The following DMBT1 variants were observed in gnomAD, a reference collection of about 807,000 sequenced individuals.
The protein encoded by DMBT1 is deleted in malignant brain tumors 1.
In DMBT1, 198 loss-of-function variants were observed where a neutral mutation model predicts 252.9. The observed-to-expected ratio is 0.78, with a 90% CI of 0.70 to 0.88. DMBT1 has a LOEUF of 0.88. DMBT1 is among the 40% of genes least tolerant of loss of function. The pLI is 0.00. For missense variants in DMBT1, 2,432 were observed against 2,404.7 expected, an observed-to-expected ratio of 1.01 and a Z score of -0.24; for synonymous variants, 990 against 942.7, an observed-to-expected ratio of 1.05 and a Z score of -0.92.
Position 122,576,637 on chromosome 10 carries a change from C to A in DMBT1, c.522C>A (p.His174Gln), listed in dbSNP as rs200275337. ...IALDDVRCSG[H>Q]ESYLWSCPHN... Reference sequence around the variant, plus strand: ...TGGATGATGTGCGCTGCTCAGGACACGAATCCTACCTGTGGAGCTGCCCCC... The same window carrying A: ...TGGATGATGTGCGCTGCTCAGGACAAGAATCCTACCTGTGGAGCTGCCCCC... Residue 174 changes from histidine (H) to glutamine (Q), a missense_variant, in exon 7 of 56, where the codon CAC becomes CAA. His to Gln is a conservative substitution (Grantham distance 24). Coordinates refer to ENST00000338354, the MANE Select transcript of DMBT1 (RefSeq NM_001377530.1). 1 of 1,613,826 alleles carries A rather than the reference C, an allele frequency of 6.2e-7. No individual in the cohort carries two copies.
chr10:122,600,032 C>G (rs746482732), intron 26 of DMBT1, 32 bp from the exon 27 acceptor site: 28 of 1,607,716 alleles, frequency 1.7e-5, no homozygotes, highest in Non-Finnish European at 2.3e-5. Flanking sequence ...GTGTAATGTT[C>G]CTGATCTGAC....
At chr10:122,570,682 G>A (rs1029519772) in intron 3 of DMBT1, among the ~76,000 whole-genome samples, 1 of 152,138 alleles carries the variant, frequency 6.6e-6, no homozygotes, top group African/African-American at 2.4e-5. Context: ...GGGAGGGTAA[G>A]TAGAGCAAAG....
intron 2 of DMBT1, among the ~76,000 whole-genome samples, chr10:122,567,256 C>G (rs1042922421): frequency 2.0e-5 from 3 of 152,162 alleles, no homozygotes; most frequent in African/African-American, 7.2e-5. Flanking sequence ...ACAGGGTGAC[C>G]AGGAGGGGGC....
At chr10:122,598,049 T>G (rs1343343483) in intron 25 of DMBT1, 37 bp downstream of exon 25, 3 of 1,613,528 alleles carry the variant, frequency 1.9e-6, no homozygotes, top group Non-Finnish European at 1.7e-6. Flanking sequence ...GGGCTCACTC[T>G]CTACCTCTGG....
At chr10:122,635,051 G>T (rs1017415085) in intron 52 of DMBT1, among the ~76,000 whole-genome samples, 1 of 152,180 alleles carries the variant, frequency 6.6e-6, no homozygotes, top group Admixed American at 6.5e-5. Context: ...TACAAAGATT[G>T]CACTTAAAGC....
chr10:122,584,829 C>G (rs1019179243), intron 14 of DMBT1, among the ~76,000 whole-genome samples: 2 of 149,180 alleles, frequency 1.3e-5, no homozygotes, highest in African/African-American at 2.4e-5. Context: ...ACATGTGCAT[C>G]CAGAAGAGGC....
At chr10:122,570,059 A>G in intron 2 of DMBT1, 103 bp from the exon 3 acceptor site, 1 of 1,068,692 alleles carries the variant, frequency 9.4e-7, no homozygotes, top group Non-Finnish European at 1.5e-6. Flanking sequence ...GGGTGCCCTT[A>G]GGCCCTGGCT....
rs1244896034 is a variant in DMBT1, at chr10:122,591,944, C to T, written c.2177-328C>T. ...ACCACGTGGGTGCCACCAAACTCTTCGACATGGGGATAGCATAGGCCTGCC... is the reference window on the plus strand; with the variant it reads ...ACCACGTGGGTGCCACCAAACTCTTTGACATGGGGATAGCATAGGCCTGCC... On this transcript the variant is annotated intron_variant, in intron 19 of 55. Coordinates refer to ENST00000338354, the MANE Select transcript of DMBT1 (RefSeq NM_001377530.1). 1.3e-5 allele frequency among the ~76,000 whole-genome samples: 2 copies of T among 149,036 alleles called. 1 individual carries two copies. Among genetic ancestry groups the T allele is most frequent in the African/African-American group, 4.9e-5 (2 of 41,182 alleles).
rs1473163396 is a variant in DMBT1 at position 122,621,384 on chromosome 10, G to A, written c.5608+4G>A. On this transcript the variant is annotated splice_donor_region_variant and intron_variant, in intron 44 of 55. Coordinates refer to ENST00000338354, the MANE Select transcript of DMBT1 (RefSeq NM_001377530.1). ...GACGCTGGTGTCATCTGCTCAGGTG[G>A]GCCTTCAAGACCTGGGGCTCCCTCT... The A allele has an allele frequency of 3.1e-6, 5 of 1,613,684 alleles. No individual in the cohort carries two copies. In the South Asian group the frequency reaches 4.4e-5, roughly 14 times the overall value.
At position 122,598,817 on chromosome 10, in the gene DMBT1, C is replaced by G. The variant is rs773269788; in HGVS notation, c.3000C>G (p.Asp1000Glu). The G allele has an allele frequency of 9.9e-6, 16 of 1,613,426 alleles. No homozygotes were observed. The highest frequency in any genetic ancestry group is 1.4e-5 in the Non-Finnish European group (16 of 1,179,758). The change falls in exon 26 of 56, where the codon GAC becomes GAG. Residue 1000 changes from aspartate (D) to glutamate (E), a missense_variant. By Grantham distance (45) the Asp-to-Glu change is conservative. Coordinates refer to ENST00000338354, the MANE Select transcript of DMBT1 (RefSeq NM_001377530.1). ...CCCTGAGGCTGGTGAATGGAGGTGA[C>G]AGGTGTCAGGGCCGAGTGGAGGTCC... is the stretch of plus-strand genomic sequence containing the variant. ...SLALRLVNGGDRCQGRVEVLY... is the reference protein window; with the variant it reads ...SLALRLVNGGERCQGRVEVLY...
Position 122,629,868 on chromosome 10 carries a change from ATT to A in DMBT1, c.5698_5699del (p.Phe1900LeufsTer20). 1 of 1,613,984 alleles carries A rather than the reference ATT, an allele frequency of 6.2e-7. No homozygotes were observed. Among genetic ancestry groups the A allele is most frequent in the Middle Eastern group, 1.6e-4 (1 of 6,062 alleles). ...CCTCTTCAAATTGTGGTGGCTTCTT[ATT>A]CTATGCCAGTGGGACATTCTCCAGC... ...RPSSNCGGFL[F>X]YASGTFSSPS... On this transcript the variant is annotated frameshift_variant, in exon 47 of 56. Transcript: ENST00000338354. LOFTEE classifies it high-confidence loss of function.
Position 122,592,148 on chromosome 10 carries a change from G to A in DMBT1, c.2177-124G>A, listed in dbSNP as rs1014150091. 1.8e-5 allele frequency: 25 copies of A among 1,422,996 alleles called. 2 individuals are homozygous for A. The Middle Eastern group carries it at 7.6e-4, about 43-fold the overall frequency. 88.1% of individuals were successfully genotyped at this position (1,422,996 alleles called of 1,614,324 possible). On this transcript the variant is annotated intron_variant, in intron 19 of 55. Transcript: ENST00000338354. ...TGAAGCTGAACCTCTGGTTGCAGTC[G>A]TATTCAATCGTGACTGCTTGTCCAG...
At chr10:122,643,069 T>G in intron 55 of DMBT1, 53 bp from the exon 56 acceptor site, 1 of 1,587,752 alleles carries the variant, frequency 6.3e-7, no homozygotes, top group Non-Finnish European at 8.6e-7. Flanking sequence ...AACTGAGTCA[T>G]GAAGGAAGAA....
In DMBT1 at chr10:122,630,282, A is replaced by G. The variant is rs768441384; in HGVS notation, c.5823-6A>G. ...ATGTTGACTTGAATACATTTTCTCC[A>G]TACAGATTGGAGGCACACCATAACT... On this transcript the variant is annotated splice_region_variant and splice_polypyrimidine_tract_variant and intron_variant, in intron 47 of 55. Transcript: ENST00000338354. 42 of 1,612,482 alleles carry G rather than the reference A, an allele frequency of 2.6e-5. No individual in the cohort carries two copies. The highest frequency in any genetic ancestry group is 6.6e-5 in the South Asian group (6 of 91,066).
At chr10:122,629,795 C>G in intron 46 of DMBT1, 45 bp from the exon 47 acceptor site, 1 of 1,594,152 alleles carries the variant, frequency 6.3e-7, no homozygotes, top group South Asian at 1.1e-5. Flanking sequence ...TCACAAAATA[C>G]CTGAAGACCT....
intron 26 of DMBT1, 138 bp downstream of exon 26, chr10:122,599,235 A>G: frequency 1.3e-6 from 2 of 1,487,948 alleles, no homozygotes; most frequent in South Asian, 1.4e-5. Flanking sequence ...GCTCTCTGCT[A>G]AGAATCCCTA....
At chr10:122,586,854 G>A (rs1391237277) in intron 16 of DMBT1, among the ~76,000 whole-genome samples, 1 of 148,352 alleles carries the variant, frequency 6.7e-6, no homozygotes, top group African/African-American at 2.4e-5. Flanking sequence ...AGGTCACATG[G>A]CGAGGGATGA....
Position 122,598,916 on chromosome 10 carries a change from A to G in DMBT1, c.3099A>G (p.Gln1033=), listed in dbSNP as rs552141049. The part of the protein sequence containing the change: ...DTNDANVVCR[Q]LGCGWAMSAP... ...ATGATGCCAATGTCGTCTGCAGGCA[A>G]CTGGGCTGTGGCTGGGCCATGTCAG... The change falls in exon 26 of 56, where the codon CAA becomes CAG. Residue 1033 remains glutamine, a synonymous_variant. Coordinates refer to ENST00000338354, the MANE Select transcript of DMBT1 (RefSeq NM_001377530.1). 4.1e-5 allele frequency: 66 copies of G among 1,613,816 alleles called. No homozygotes were observed. The highest frequency in any genetic ancestry group is 4.0e-4 in the East Asian group (18 of 44,860).
At chr10:122,629,665 T>A (rs1000644121) in intron 46 of DMBT1, among the ~76,000 whole-genome samples, 175 bp from the exon 47 acceptor site, 3 of 152,196 alleles carry the variant, frequency 2.0e-5, no homozygotes, top group African/African-American at 7.2e-5. Flanking sequence ...AATCAAAGCT[T>A]CTAATGTTGG....
Sources: gnomAD v4.1 joint callset for allele counts (sites outside exome capture counted in the v4.1 genomes callset) on GRCh38, gnomAD v4.1.1 for gene constraint, MANE v1.5 for transcripts, NCBI Gene and HGNC (gene_info 2026-07-23, HGNC 2026-07-21) for gene names.